Variants in SORCS1 observed in about 807,000 individuals in gnomAD.
The protein encoded by SORCS1 is VPS10 domain-containing receptor SorCS1.
In SORCS1, 60 loss-of-function variants were observed where a neutral mutation model predicts 146.1. The ratio of observed to expected loss-of-function variants is 0.41; its 90% CI spans 0.33 to 0.51. SORCS1 has a LOEUF of 0.51. Ranked by LOEUF, SORCS1 falls within the 20% of genes least tolerant of loss-of-function variation. The pLI, the probability that SORCS1 is intolerant of heterozygous loss-of-function variation, is 0.21. For missense variants in SORCS1, 1,352 were observed against 1,487.6 expected (o/e 0.91, Z 1.50); for synonymous variants, 637 against 584.0 (o/e 1.09, Z -1.31).
chr10:106,852,143 T>G (rs113237598), intron 2 of SORCS1, among the ~76,000 whole-genome samples: 1,555 of 152,330 alleles, frequency 0.01, 28 homozygotes, highest in African/African-American at 0.036. Context: ...TAGTTTTATT[T>G]CTTCCTTTTC....
At chr10:106,817,873 GC>G (rs1261134342) in intron 3 of SORCS1, among the ~76,000 whole-genome samples, 3 of 152,162 alleles carry the variant, frequency 2.0e-5, no homozygotes, top group African/African-American at 7.2e-5. Flanking sequence ...TTTGTGTTAT[GC>G]TGATCTGCTT....
chr10:107,162,267 C>G (rs1969770496), intron 1 of SORCS1, among the ~76,000 whole-genome samples: 1 of 152,088 alleles, frequency 6.6e-6, no homozygotes, highest in Non-Finnish European at 1.5e-5. Flanking sequence ...ATTCTGAGTC[C>G]AAAGTCTTTT....
rs572127186 is a variant in SORCS1, at chr10:106,916,026, C to A, written c.626+40487G>T. On this transcript the variant is annotated intron_variant, in intron 2 of 25. Transcript: ENST00000263054. ...CGAGACTTCCTTCTAACCTACTTCA[C>A]CTGGTCAATGTCTACACACCTCTTG... Among the ~76,000 whole-genome samples the A allele has an allele frequency of 1.8e-4, 27 of 152,228 alleles. No homozygotes were observed. The South Asian group carries it at 5.4e-3, about 30-fold the overall frequency.
At chr10:106,722,120 TACACACACACAC>T (rs140882766) in intron 6 of SORCS1, among the ~76,000 whole-genome samples, 7 of 144,266 alleles carry the variant, frequency 4.9e-5, no homozygotes, top group African/African-American at 1.8e-4. Flanking sequence ...AATATATAAA[TACACACACACAC>T]ACACACACAC....
intron 2 of SORCS1, among the ~76,000 whole-genome samples, chr10:106,956,297 T>C (rs954044620): frequency 2.4e-4 from 36 of 152,100 alleles, no homozygotes; most frequent in Admixed American, 2.2e-3. Flanking sequence ...CAAAAGAATC[T>C]GGCTGACTAA....
intron 2 of SORCS1, among the ~76,000 whole-genome samples, chr10:106,879,497 C>T (rs1245643811): frequency 6.6e-6 from 1 of 152,110 alleles, no homozygotes; most frequent in African/African-American, 2.4e-5. Context: ...GATGTTCTTC[C>T]CTAATGAATA....
chr10:106,814,916 A>AAAG (rs1262991791), intron 3 of SORCS1, among the ~76,000 whole-genome samples: 2 of 149,244 alleles, frequency 1.3e-5, no homozygotes, highest in East Asian at 4.1e-4. Context: ...CTCCATCTCA[A>AAAG]AAAAAAAAAA....
intron 3 of SORCS1, among the ~76,000 whole-genome samples, chr10:106,777,304 T>C (rs1420205000): frequency 6.6e-6 from 1 of 152,244 alleles, no homozygotes; most frequent in Non-Finnish European, 1.5e-5. Flanking sequence ...TACTTATTTA[T>C]TTTGTTTCTT....
intron 1 of SORCS1, among the ~76,000 whole-genome samples, chr10:107,142,631 T>C (rs572623240): frequency 6.6e-6 from 1 of 152,334 alleles, no homozygotes; most frequent in Admixed American, 6.5e-5. Flanking sequence ...CTCAAATGCA[T>C]ACTTTCTATT....
chr10:107,101,152 C>A (rs1260525102), intron 1 of SORCS1, among the ~76,000 whole-genome samples: 1 of 152,102 alleles, frequency 6.6e-6, no homozygotes, highest in Non-Finnish European at 1.5e-5. Context: ...CTCCATCTCT[C>A]GGGCTCAAGC....
chr10:107,078,369 C>T (rs1260891921), intron 1 of SORCS1, among the ~76,000 whole-genome samples: 1 of 152,126 alleles, frequency 6.6e-6, no homozygotes, highest in African/African-American at 2.4e-5. Context: ...TCAGACAATT[C>T]AAAATAAGAT....
At chr10:107,165,233 G>T (rs762293245), upstream of SORCS1, among the ~76,000 whole-genome samples, 37 of 151,880 alleles carry the variant, frequency 2.4e-4, no homozygotes, top group Non-Finnish European at 4.6e-4. This position sits in a 1 kb window ranked among gnomAD's most constrained non-coding sequence, Gnocchi z 4.0. Context: ...TCCCAGCCTG[G>T]GGGGAGATCC....
intron 1 of SORCS1, among the ~76,000 whole-genome samples, chr10:107,032,965 C>A (rs1958729925): frequency 6.6e-6 from 1 of 152,104 alleles, no homozygotes; most frequent in African/African-American, 2.4e-5. Flanking sequence ...TCACCATCTT[C>A]TTTTTTAAAG....
At chr10:106,688,803 A>G (rs555541212) in intron 9 of SORCS1, among the ~76,000 whole-genome samples, 1 of 152,348 alleles carries the variant, frequency 6.6e-6, no homozygotes, top group South Asian at 2.1e-4. Context: ...AAACAAAGTG[A>G]CTTGCCTAAG....
At chr10:106,726,551 T>C (rs949882120) in intron 6 of SORCS1, among the ~76,000 whole-genome samples, 1 of 151,982 alleles carries the variant, frequency 6.6e-6, no homozygotes, top group African/African-American at 2.4e-5. Flanking sequence ...TCATTGTTTT[T>C]AGGATAAAGC....
intron 2 of SORCS1, among the ~76,000 whole-genome samples, chr10:106,832,608 TAC>T (rs1302197790): frequency 9.2e-5 from 14 of 152,290 alleles, no homozygotes; most frequent in African/African-American, 3.1e-4. Flanking sequence ...CCTTTTATTG[TAC>T]AGTTTTTTCT....
chr10:107,163,021 T>G (rs748823351), intron 1 of SORCS1, among the ~76,000 whole-genome samples: 3 of 152,214 alleles, frequency 2.0e-5, no homozygotes, highest in Non-Finnish European at 4.4e-5. Context: ...TCACTGAAGT[T>G]TCTAGGTTCA....
intron 1 of SORCS1, among the ~76,000 whole-genome samples, chr10:107,124,491 T>C (rs1330431503): frequency 6.6e-6 from 1 of 152,140 alleles, no homozygotes; most frequent in Admixed American, 6.5e-5. Flanking sequence ...CCGGTGACTA[T>C]GAAAACTAGC....
chr10:106,926,267 C>G (rs1953010166), intron 2 of SORCS1, among the ~76,000 whole-genome samples: 1 of 152,158 alleles, frequency 6.6e-6, no homozygotes. Flanking sequence ...TCCATACAAG[C>G]CATTATGCAG....
Sources: gnomAD v4.1 joint callset for allele counts (sites outside exome capture counted in the v4.1 genomes callset) on GRCh38, gnomAD v4.1.1 for gene constraint, Gnocchi (gnomAD v3.1) non-coding constraint, MANE v1.5 for transcripts, NCBI Gene and HGNC (gene_info 2026-07-23, HGNC 2026-07-21) for gene names.